ZNF708: variants seen among roughly 807,000 people sequenced by gnomAD.
ZNF708 encodes ZNF15, ZNF15L1.
In ZNF708, 44 loss-of-function variants were observed where a neutral mutation model predicts 47.0. That is an observed-to-expected ratio of 0.94 (90% CI 0.74 to 1.20). The LOEUF is 1.20. Ranked by LOEUF, ZNF708 falls within the 50% of genes most tolerant of loss-of-function variation. The probability of loss-of-function intolerance (pLI) is 0.00; values close to 1 mark genes in which losing one functional copy is unlikely to be tolerated. For synonymous variants in ZNF708, 184 were observed against 218.5 expected, an observed-to-expected ratio of 0.84 and a Z score of 1.39; for missense variants, 557 against 656.0, an observed-to-expected ratio of 0.85 and a Z score of 1.65.
At chr19:21,315,321 T>C (rs1972980293) in intron 1 of ZNF708, among the ~76,000 whole-genome samples, 1 of 152,110 alleles carries the variant, frequency 6.6e-6, no homozygotes, top group African/African-American at 2.4e-5. Flanking sequence ...CTTCTATTGG[T>C]TTTCAGTACA....
chr19:21,322,973 GTTCAA>G (rs1973182781), intron 1 of ZNF708, among the ~76,000 whole-genome samples: 3 of 151,978 alleles, frequency 2.0e-5, no homozygotes, highest in Admixed American at 1.3e-4. Flanking sequence ...CCTTTTTCAA[GTTCAA>G]TAATTTGATA....
At chr19:21,323,523 G>A (rs1378697188) in intron 1 of ZNF708, among the ~76,000 whole-genome samples, 1 of 152,176 alleles carries the variant, frequency 6.6e-6, no homozygotes, top group East Asian at 1.9e-4. Context: ...AGGAAAGGAA[G>A]CCTTTGTCTG....
intron 1 of ZNF708, among the ~76,000 whole-genome samples, chr19:21,312,606 G>A (rs1972920665): frequency 1.3e-5 from 2 of 152,164 alleles, no homozygotes; most frequent in African/African-American, 2.4e-5. Flanking sequence ...GCCAAGCATT[G>A]CCTCTCAAGC....
intron 3 of ZNF708, among the ~76,000 whole-genome samples, chr19:21,295,943 A>G (rs1464533431): frequency 6.6e-6 from 1 of 152,170 alleles, no homozygotes; most frequent in African/African-American, 2.4e-5. Context: ...TGAAACAGGA[A>G]CACAGACAAC....
intron 1 of ZNF708, chr19:21,327,930 C>G: frequency 1.0e-6 from 1 of 959,946 alleles, no homozygotes; most frequent in Non-Finnish European, 1.3e-6. Context: ...AGGGCATCCA[C>G]CTGCTCCCTT....
chr19:21,294,648 A>C lies in ZNF708; in HGVS notation c.318T>G (p.Cys106Trp). The C allele has an allele frequency of 6.2e-7, 1 of 1,614,074 alleles. No homozygotes were observed. The highest frequency in any genetic ancestry group is 2.2e-5 in the East Asian group (1 of 44,862). The change falls in exon 4 of 4, where the codon TGT (cysteine) becomes TGG (tryptophan). Residue 106 changes from cysteine (C) to tryptophan (W), a missense_variant. By Grantham distance (215) the Cys-to-Trp change is radical (BLOSUM62 -2). Coordinates refer to ENST00000356929, the MANE Select transcript of ZNF708 (RefSeq NM_021269.3). ...CACTTTTACAGCCTTTCTGATATCCACATTTTCCATATCTTCTCAGTATCA... is the reference window on the plus strand; with the variant it reads ...CACTTTTACAGCCTTTCTGATATCCCCATTTTCCATATCTTCTCAGTATCA... Reference protein sequence around the residue: ...QQVILRRYGKCGYQKGCKSVD... With the variant: ...QQVILRRYGKWGYQKGCKSVD...
At chr19:21,327,297 A>T (rs1973278551) in intron 1 of ZNF708, among the ~76,000 whole-genome samples, 1 of 152,038 alleles carries the variant, frequency 6.6e-6, no homozygotes. Flanking sequence ...TGGGAGGCCG[A>T]GGCGGGCGGA....
intron 2 of ZNF708, among the ~76,000 whole-genome samples, chr19:21,309,774 A>T (rs1404690235): frequency 6.6e-6 from 1 of 152,246 alleles, no homozygotes; most frequent in East Asian, 1.9e-4. Flanking sequence ...AATATATTCT[A>T]GTAAATTAAT....
Position 21,293,835 on chromosome 19 carries a change from T to C in ZNF708, c.1131A>G (p.Ser377=), listed in dbSNP as rs773329134. The C allele has an allele frequency of 2.5e-6, 4 of 1,613,262 alleles. No individual in the cohort carries two copies. The highest frequency in any genetic ancestry group is 3.4e-6 in the Non-Finnish European group (4 of 1,179,838). ...GAATTACCTTATGATTAGTAAGGTG[T>C]GAGGACCGGTTAAAAGCTTTGCCAC... ...EECGKAFNRS[S]HLTNHKVIHT... Residue 377 remains serine (S), a synonymous_variant, in exon 4 of 4, where the codon TCA becomes TCG. Coordinates refer to ENST00000356929, the MANE Select transcript of ZNF708 (RefSeq NM_021269.3).
chr19:21,321,908 A>G (rs73537884), intron 1 of ZNF708, among the ~76,000 whole-genome samples: 23,687 of 152,014 alleles, frequency 0.16, 2,136 homozygotes, highest in Non-Finnish European at 0.21. Context: ...AACTCCATGG[A>G]TAAGGGAGAG....
At chr19:21,310,808 A>G (rs189975806) in intron 1 of ZNF708, among the ~76,000 whole-genome samples, 181 bp from the exon 2 acceptor site, 115 of 152,346 alleles carry the variant, frequency 7.5e-4, no homozygotes, top group Non-Finnish European at 1.3e-3. Context: ...TAACTCTGAA[A>G]AAAGAGAGTA....
intron 3 of ZNF708, among the ~76,000 whole-genome samples, chr19:21,299,790 T>TC (rs961787441): frequency 6.7e-6 from 1 of 149,292 alleles, no homozygotes; most frequent in Admixed American, 6.7e-5. Flanking sequence ...AAAAAAAAAA[T>TC]TGTTTTTTTA....
chr19:21,307,094 CAAAAT>C (rs1033125432), intron 3 of ZNF708, among the ~76,000 whole-genome samples: 2,053 of 101,954 alleles, frequency 0.02, 51 homozygotes, highest in African/African-American at 0.061. Flanking sequence ...ATATAAAATA[CAAAAT>C]AAAATAAAAT....
chr19:21,326,281 C>T (rs1188425211), intron 1 of ZNF708, among the ~76,000 whole-genome samples: 1 of 152,174 alleles, frequency 6.6e-6, no homozygotes, highest in Non-Finnish European at 1.5e-5. Context: ...CATAGTGGCA[C>T]ATTTCACAAT....
chr19:21,304,068 A>G (rs1293562514), intron 3 of ZNF708, among the ~76,000 whole-genome samples: 1 of 152,150 alleles, frequency 6.6e-6, no homozygotes, highest in Admixed American at 6.5e-5. Flanking sequence ...GGAATACCTG[A>G]GAGTAGATAA....
intron 3 of ZNF708, among the ~76,000 whole-genome samples, chr19:21,307,287 C>A (rs190899936): frequency 7.2e-5 from 11 of 151,996 alleles, no homozygotes; most frequent in Admixed American, 2.0e-4. Flanking sequence ...GCTACTACCC[C>A]TCTCCACAAA....
Position 21,309,247 on chromosome 19 carries a change from TG to T in ZNF708, c.224del (p.Pro75GlnfsTer17), listed in dbSNP as rs1972848105. On this transcript the variant is annotated frameshift_variant and splice_region_variant, in exon 3 of 4. Transcript: ENST00000356929. LOFTEE classifies it high-confidence loss of function. The part of the protein sequence containing the change: ...MKRHEMAAKP[P>X]AMCSHFAKDL... ...TCTGTTGTGTTCACTCTCACCTACC[TG>T]GGGGTTTGGCTGCCATCTCGTGTCT... is the stretch of plus-strand genomic sequence containing the variant. 1.3e-6 allele frequency: 2 copies of T among 1,599,772 alleles called. No homozygotes were observed. The highest frequency in any genetic ancestry group is 1.1e-5 in the South Asian group (1 of 90,528).
chr19:21,328,496 T>A (rs1378062360), intron 1 of ZNF708, among the ~76,000 whole-genome samples: 1 of 151,968 alleles, frequency 6.6e-6, no homozygotes, highest in Non-Finnish European at 1.5e-5. Context: ...GGCTGGGAGG[T>A]ACACTTGAGA....
intron 1 of ZNF708, among the ~76,000 whole-genome samples, chr19:21,319,199 A>C (rs1270352260): frequency 1.3e-5 from 2 of 152,190 alleles, no homozygotes; most frequent in East Asian, 3.8e-4. Context: ...GTCTAAAAAC[A>C]CTTCAGATAA....
Sources: gnomAD v4.1 joint callset for allele counts (sites outside exome capture counted in the v4.1 genomes callset) on GRCh38, gnomAD v4.1.1 for gene constraint, MANE v1.5 for transcripts, NCBI Gene and HGNC (gene_info 2026-07-23, HGNC 2026-07-21) for gene names.